Variants in RANBP2 observed in about 807,000 individuals in gnomAD.
RANBP2 encodes RAN binding protein 2.
RANBP2 carries 57 observed loss-of-function variants against 303.6 expected under a neutral mutation model. That is an observed-to-expected ratio of 0.19 (90% CI 0.15 to 0.23). RANBP2 has a LOEUF of 0.23. Ranked by LOEUF, RANBP2 falls within the 10% of genes least tolerant of loss-of-function variation. The pLI is 1.00. For synonymous variants in RANBP2, 1,167 were observed against 1,301.5 expected (o/e 0.90, Z 2.23); for missense variants, 3,138 against 3,780.8 (o/e 0.83, Z 4.46).
the RANBP2 span, chr2:109,616,257 C>G: frequency 1.1e-6 from 1 of 890,064 alleles, no homozygotes. Context: ...AGAGATTCAT[C>G]ATACCTTGAC....
chr2:109,331,194 G>A, the RANBP2 span, among the ~76,000 whole-genome samples: 1 of 152,090 alleles, frequency 6.6e-6, no homozygotes, highest in Non-Finnish European at 1.5e-5. Context: ...GGGGAATGCC[G>A]GGTGTCTTAT....
the RANBP2 span, among the ~76,000 whole-genome samples, chr2:109,704,958 A>C: frequency 6.6e-6 from 1 of 152,146 alleles, no homozygotes; most frequent in Non-Finnish European, 1.5e-5. Context: ...AAACCCCTTT[A>C]GGAATTACAA....
chr2:108,821,258 C>T, the RANBP2 span, among the ~76,000 whole-genome samples: 60 of 151,894 alleles, frequency 4.0e-4, no homozygotes, highest in African/African-American at 1.3e-3. Context: ...CTTTTGAGGC[C>T]GAGGCAGGAG....
chr2:109,711,025 C>T, the RANBP2 span, among the ~76,000 whole-genome samples: 5 of 151,922 alleles, frequency 3.3e-5, no homozygotes, highest in Non-Finnish European at 7.4e-5. Flanking sequence ...CACATCCAGT[C>T]CCAGGGCTTC....
chr2:109,265,633 G>T, the RANBP2 span, among the ~76,000 whole-genome samples: 7 of 152,360 alleles, frequency 4.6e-5, no homozygotes, highest in East Asian at 1.4e-3. Context: ...GGTCCTGCCA[G>T]GTGGCCAACG....
the RANBP2 span, among the ~76,000 whole-genome samples, chr2:109,601,716 G>T: frequency 6.6e-6 from 1 of 150,996 alleles, no homozygotes; most frequent in African/African-American, 2.4e-5. Flanking sequence ...TTTCTTTACG[G>T]CTTCTTCCTT....
At chr2:109,326,152 A>G in the RANBP2 span, among the ~76,000 whole-genome samples, 2 of 152,180 alleles carry the variant, frequency 1.3e-5, no homozygotes, top group Non-Finnish European at 2.9e-5. Flanking sequence ...GATTTTATCT[A>G]TCTGTTCTTG....
chr2:109,184,515 C>T, the RANBP2 span, among the ~76,000 whole-genome samples: 54 of 152,284 alleles, frequency 3.5e-4, 1 homozygote, highest in South Asian at 0.011. Context: ...GAGTCCTGTG[C>T]GGATAGAGCT....
the RANBP2 span, among the ~76,000 whole-genome samples, chr2:109,631,536 A>AGGTGGGCAGAACT: frequency 6.6e-6 from 1 of 152,124 alleles, no homozygotes; most frequent in Non-Finnish European, 1.5e-5. Context: ...TGGGCAGATC[A>AGGTGGGCAGAACT]CCTGAGGTCA....
chr2:108,865,900 A>G, the RANBP2 span, among the ~76,000 whole-genome samples: 1 of 152,186 alleles, frequency 6.6e-6, no homozygotes, highest in South Asian at 2.1e-4. Context: ...GCTCCAAGAC[A>G]GGGTAGACAT....
At chr2:109,273,992 ATACT>A in the RANBP2 span, among the ~76,000 whole-genome samples, 3 of 152,206 alleles carry the variant, frequency 2.0e-5, no homozygotes, top group African/African-American at 7.2e-5. Context: ...GGCAAGGATA[ATACT>A]TACCATAGTT....
At chr2:109,386,858 C>T in the RANBP2 span, among the ~76,000 whole-genome samples, 1 of 152,198 alleles carries the variant, frequency 6.6e-6, no homozygotes, top group African/African-American at 2.4e-5. Context: ...CTTTAGGGCA[C>T]CTCACGCTTT....
the RANBP2 span, among the ~76,000 whole-genome samples, chr2:109,609,046 T>C: frequency 6.6e-6 from 1 of 152,178 alleles, no homozygotes; most frequent in Non-Finnish European, 1.5e-5. Flanking sequence ...GACCAAAATA[T>C]ATCAATCAAT....
At chr2:108,806,955 G>A in the RANBP2 span, among the ~76,000 whole-genome samples, 1 of 152,196 alleles carries the variant, frequency 6.6e-6, no homozygotes, top group African/African-American at 2.4e-5. Context: ...GGGTGAATTA[G>A]AGGGAGACAG....
At chr2:109,584,214 C>A in the RANBP2 span, among the ~76,000 whole-genome samples, 7 of 152,152 alleles carry the variant, frequency 4.6e-5, no homozygotes, top group Admixed American at 1.3e-4. Context: ...CAGTTGCTCA[C>A]GCCTGTAATC....
the RANBP2 span, among the ~76,000 whole-genome samples, chr2:109,624,287 G>A: frequency 6.6e-6 from 1 of 152,194 alleles, no homozygotes; most frequent in Non-Finnish European, 1.5e-5. Context: ...TCAGAAAGAG[G>A]CTCTGGGAAG....
the RANBP2 span, among the ~76,000 whole-genome samples, chr2:109,441,646 C>T: frequency 6.6e-6 from 1 of 152,100 alleles, no homozygotes; most frequent in Non-Finnish European, 1.5e-5. Context: ...GAAATAATGA[C>T]CAAAATTGTT....
the RANBP2 span, among the ~76,000 whole-genome samples, chr2:109,070,523 G>C: frequency 6.6e-6 from 1 of 152,134 alleles, no homozygotes; most frequent in Non-Finnish European, 1.5e-5. Context: ...TTGGTGGTGA[G>C]TGAGTTCTCA....
chr2:109,546,903 T>C, the RANBP2 span, among the ~76,000 whole-genome samples: 1 of 152,220 alleles, frequency 6.6e-6, no homozygotes. Flanking sequence ...AAATTAATGC[T>C]AAATACATTT....
Sources: allele counts gnomAD v4.1 joint callset (sites outside exome capture counted in the v4.1 genomes callset), GRCh38; gene constraint gnomAD v4.1.1; transcripts MANE v1.5; gene names NCBI Gene and HGNC (gene_info 2026-07-23, HGNC 2026-07-21).